Variants in DENND1A observed in about 807,000 individuals in gnomAD.
DENND1A encodes DENN domain-containing protein 1A.
Under a neutral mutation model 113.7 loss-of-function variants are expected in DENND1A, and 51 were observed. The ratio of observed to expected loss-of-function variants is 0.45; its 90% confidence interval spans 0.36 to 0.57. The LOEUF (loss-of-function observed/expected upper bound fraction) is 0.57, where lower values mean the gene tolerates loss of function less well. Among genes scored for constraint, DENND1A ranks in the 20% least tolerant of loss-of-function variants. The pLI, the probability that DENND1A is intolerant of heterozygous loss-of-function variation, is 0.00. For synonymous variants in DENND1A, 565 were observed against 570.8 expected (o/e 0.99, Z 0.14); for missense variants, 1,258 against 1,395.9 (o/e 0.90, Z 1.57).
At chr9:123,477,737 CTTAAAAAAAAATAA>C (rs2050027730) in intron 13 of DENND1A, among the ~76,000 whole-genome samples, 1 of 150,050 alleles carries the variant, frequency 6.7e-6, no homozygotes. Flanking sequence ...TACCGTGGAA[CTTAAAAAAAAATAA>C]TTAAAAAAAA....
At chr9:123,684,128 T>G (rs73665332) in intron 5 of DENND1A, among the ~76,000 whole-genome samples, 5,665 of 152,286 alleles carry the variant, frequency 0.037, 123 homozygotes, top group African/African-American at 0.061. Flanking sequence ...CTACTCTTTT[T>G]GTTCCCATTT....
intron 2 of DENND1A, among the ~76,000 whole-genome samples, chr9:123,794,832 G>GA (rs1036165002): frequency 2.0e-5 from 3 of 151,626 alleles, no homozygotes; most frequent in South Asian, 2.1e-4. Flanking sequence ...TTAATGAAAA[G>GA]AAAAAAAATC....
intron 1 of DENND1A, among the ~76,000 whole-genome samples, chr9:123,881,835 A>T (rs1192134292): frequency 6.6e-6 from 1 of 152,138 alleles, no homozygotes; most frequent in Non-Finnish European, 1.5e-5. Flanking sequence ...CCACTGAAAC[A>T]ACTTGGTCAA....
chr9:123,439,322 C>T (rs1201671126), intron 19 of DENND1A, among the ~76,000 whole-genome samples: 1 of 152,220 alleles, frequency 6.6e-6, no homozygotes, highest in Non-Finnish European at 1.5e-5. Flanking sequence ...CATATATTAT[C>T]TGAAAATATT....
intron 9 of DENND1A, among the ~76,000 whole-genome samples, chr9:123,651,763 A>C (rs2062672284): frequency 6.6e-6 from 1 of 152,246 alleles, no homozygotes; most frequent in South Asian, 2.1e-4. Flanking sequence ...CTCATGTAGA[A>C]ACCTGCAAAA....
chr9:123,594,818 G>A (rs75790456), intron 11 of DENND1A, among the ~76,000 whole-genome samples: 6,468 of 152,218 alleles, frequency 0.042, 174 homozygotes, highest in South Asian at 0.057. Flanking sequence ...GCATATATAT[G>A]AGTACATAAC....
intron 21 of DENND1A, chr9:123,402,747 C>G (rs928729165): frequency 2.2e-5 from 9 of 402,486 alleles, no homozygotes; most frequent in African/African-American, 1.2e-4. Context: ...CTATCTGCAG[C>G]CTTCTGCCTC....
chr9:123,928,758 A>G, intron 1 of DENND1A: 3 of 985,458 alleles, frequency 3.0e-6, no homozygotes, highest in Non-Finnish European at 3.6e-6. Context: ...CAATGTTTGA[A>G]TAATTATTAG....
Position 123,454,799 on chromosome 9 carries a change from A to G in DENND1A, c.1187-20T>C. 6.4e-7 allele frequency: 1 copy of G among 1,551,626 alleles called. No homozygotes were observed. Among genetic ancestry groups the G allele is most frequent in the Non-Finnish European group, 8.7e-7 (1 of 1,146,822 alleles). ...CACTGCCTGGGGAAAGAGAATTCAG[A>G]GAAGCTGTCACTTAAAGAGGTGATT... On this transcript the variant is annotated intron_variant, in intron 15 of 23. Coordinates refer to ENST00000394215, the MANE Select transcript of DENND1A (RefSeq NM_001352964.2).
chr9:123,460,287 G>T (rs1252141587), intron 13 of DENND1A, among the ~76,000 whole-genome samples: 1 of 152,182 alleles, frequency 6.6e-6, no homozygotes, highest in Non-Finnish European at 1.5e-5. Flanking sequence ...ACTAACACAA[G>T]CTCAGCTAGA....
chr9:123,477,694 G>A (rs190789638), intron 13 of DENND1A, among the ~76,000 whole-genome samples: 1 of 151,506 alleles, frequency 6.6e-6, no homozygotes, highest in East Asian at 1.9e-4. Flanking sequence ...CATGGCACAC[G>A]TTTACCTATG....
chr9:123,901,548 A>G (rs1369140539), intron 1 of DENND1A, among the ~76,000 whole-genome samples: 1 of 152,178 alleles, frequency 6.6e-6, no homozygotes, highest in Non-Finnish European at 1.5e-5. Flanking sequence ...CCCATATCAA[A>G]GCAATCATTT....
chr9:123,474,722 T>C lies in DENND1A; in HGVS notation c.994-16825A>G, dbSNP rs145299675. On this transcript the variant is annotated intron_variant, in intron 13 of 23. Transcript: ENST00000394215. ...AGCCTTGGTTTCTTCCTCTGTAAAA[T>C]GGGAATCATTGTTCTTAGCTCCCAT... 1.1e-3 allele frequency among the ~76,000 whole-genome samples: 166 copies of C among 152,340 alleles called. 3 individuals are homozygous for C. The East Asian group carries it at 0.024, about 22-fold the overall frequency.
intron 19 of DENND1A, chr9:123,437,601 G>A (rs1451459077): frequency 6.6e-6 from 1 of 152,184 alleles, no homozygotes; most frequent in Admixed American, 6.5e-5. Flanking sequence ...ATTTTGCCAG[G>A]GCAGGGTACA....
rs771543725 is a variant in DENND1A, at chr9:123,381,762, G to A, written c.2883C>T (p.Pro961=). Residue 961 remains proline (P), a synonymous_variant, in exon 24 of 24, where the codon CCC becomes CCT. Transcript: ENST00000394215. This position sits in a 1 kb window ranked among gnomAD's most constrained non-coding sequence, Gnocchi z 4.7. ...LSMPNLFGQM[P]MGTHTSPLQP... ...GTAGGGGGCTCGTGTGGGTGCCCATGGGCATCTGGCCAAAGAGGTTGGGCA... is the reference window on the plus strand; with the variant it reads ...GTAGGGGGCTCGTGTGGGTGCCCATAGGCATCTGGCCAAAGAGGTTGGGCA... 1.3e-6 allele frequency: 2 copies of A among 1,509,758 alleles called. No individual in the cohort carries two copies. Among genetic ancestry groups the A allele is most frequent in the Admixed American group, 4.6e-5 (2 of 43,272 alleles). 93.5% of individuals were successfully genotyped at this position (1,509,758 alleles called of 1,614,324 possible).
chr9:123,402,388 A>C (rs1219376566), intron 21 of DENND1A: 1 of 405,304 alleles, frequency 2.5e-6, no homozygotes, highest in Non-Finnish European at 5.0e-6. Flanking sequence ...AGTGAACTGC[A>C]ACTTGGGTTA....
chr9:123,654,513 C>T (rs966842546), intron 8 of DENND1A, among the ~76,000 whole-genome samples: 24 of 152,134 alleles, frequency 1.6e-4, no homozygotes. Context: ...AAAAAAATCA[C>T]AAGGATACTT....
At chr9:123,545,719 A>C (rs530030078) in intron 13 of DENND1A, among the ~76,000 whole-genome samples, 4 of 151,996 alleles carry the variant, frequency 2.6e-5, no homozygotes, top group African/African-American at 9.7e-5. Flanking sequence ...CGCCCACCTC[A>C]GCCTCCCAAA....
At chr9:123,639,152 T>C (rs1052451849) in intron 9 of DENND1A, among the ~76,000 whole-genome samples, 2 of 151,236 alleles carry the variant, frequency 1.3e-5, no homozygotes, top group African/African-American at 4.9e-5. Context: ...AGAAAGTGAC[T>C]GTAGGCCGCA....
Sources: gnomAD v4.1 joint callset for allele counts (sites outside exome capture counted in the v4.1 genomes callset) on GRCh38, gnomAD v4.1.1 for gene constraint, Gnocchi (gnomAD v3.1) non-coding constraint, MANE v1.5 for transcripts, NCBI Gene and HGNC (gene_info 2026-07-23, HGNC 2026-07-21) for gene names.